SPATA13: variants seen among roughly 807,000 people sequenced by gnomAD.
SPATA13 encodes spermatogenesis-associated protein 13.
Under a neutral mutation model 104.0 loss-of-function variants are expected in SPATA13, and 50 were observed. The observed-to-expected ratio is 0.48, with a 90% CI of 0.38 to 0.61. The LOEUF is 0.61. Among genes scored for constraint, SPATA13 ranks in the 20% least tolerant of loss-of-function variants. The probability of loss-of-function intolerance (pLI) is 0.00; values close to 1 mark genes in which losing one functional copy is unlikely to be tolerated. For missense variants in SPATA13, 1,524 were observed against 1,690.6 expected, an observed-to-expected ratio of 0.90 and a Z score of 1.73; for synonymous variants, 606 against 667.5, an observed-to-expected ratio of 0.91 and a Z score of 1.42.
chr13:23,983,145 A>G (rs1284882254), intron 1 of SPATA13, among the ~76,000 whole-genome samples: 2 of 152,170 alleles, frequency 1.3e-5, no homozygotes, highest in African/African-American at 4.8e-5. Context: ...TGCCATCACA[A>G]AACACCACAG....
chr13:24,179,534 G>A (rs1868658801), intron 1 of SPATA13, among the ~76,000 whole-genome samples: 2 of 152,182 alleles, frequency 1.3e-5, no homozygotes, highest in African/African-American at 4.8e-5. Context: ...TACATTCATT[G>A]TTATGCAACC....
rs1419450290 is a variant in SPATA13, at chr13:24,137,102, T to C, written c.-111-85717T>C. Among the ~76,000 whole-genome samples, 3 of 35,124 alleles carry C rather than the reference T, an allele frequency of 8.5e-5. 1 individual carries two copies. Among genetic ancestry groups the C allele is most frequent in the Non-Finnish European group, 1.9e-4 (3 of 15,652 alleles). The allele number at this position is 35,124 out of a possible 152,430, so 23.0% of individuals were successfully genotyped here. Reference sequence around the variant, plus strand: ...GCCTCGGCCTCCCAAAGTGCTGGGATTACAGGCGTGAGCCACCGCGCCCGG... The same window carrying C: ...GCCTCGGCCTCCCAAAGTGCTGGGACTACAGGCGTGAGCCACCGCGCCCGG... On this transcript the variant is annotated intron_variant, in intron 3 of 14. Coordinates refer to the SPATA13 transcript ENST00000424834.
At chr13:24,071,319 G>A (rs1457028251) in intron 3 of SPATA13, among the ~76,000 whole-genome samples, 1 of 152,188 alleles carries the variant, frequency 6.6e-6, no homozygotes, top group Non-Finnish European at 1.5e-5. Flanking sequence ...GCTAGTTGGA[G>A]CTTAGCCTGC....
At position 24,300,402 on chromosome 13, in the gene SPATA13, A is replaced by T. The variant is rs183788987; in HGVS notation, c.3585A>T (p.Gly1195=). The stretch of plus-strand genomic sequence containing the variant: ...TATCACATTTATTTCTAAATGCAGG[A>T]ATGGAAATTTCAGAAAACCAGAAGA... ...RRRVQEDKEM[G]MEISENQKKL... is the part of the protein sequence containing the mutation. The change falls in exon 12 of 13, where the codon GGA becomes GGT. Residue 1195 remains glycine (G), a splice_region_variant and synonymous_variant. Transcript: ENST00000382108. 43 of 1,612,820 alleles carry T rather than the reference A, an allele frequency of 2.7e-5. No individual in the cohort carries two copies. The East Asian group carries it at 4.7e-4, about 18-fold the overall frequency.
intron 1 of SPATA13, among the ~76,000 whole-genome samples, chr13:24,167,526 A>G (rs1238858163): frequency 2.6e-5 from 4 of 152,242 alleles, no homozygotes; most frequent in Admixed American, 6.5e-5. Flanking sequence ...CAACAGTACA[A>G]GCTTGAATTC....
At position 24,284,241 on chromosome 13, in the gene SPATA13, G is replaced by C; in HGVS notation, c.2271G>C (p.Gln757His). 1 of 1,613,730 alleles carries C rather than the reference G, an allele frequency of 6.2e-7. No individual in the cohort carries two copies. Among genetic ancestry groups the C allele is most frequent in the Middle Eastern group, 1.7e-4 (1 of 5,896 alleles). Reference sequence around the variant, plus strand: ...GCCAGGCCAGCCCTCGGTACCTGCAGCCCGGCGGGGAGCAGCTGGCCATCA... The same window carrying C: ...GCCAGGCCAGCCCTCGGTACCTGCACCCCGGCGGGGAGCAGCTGGCCATCA... ...DLCQASPRYL[Q>H]PGGEQLAINE... The change falls in exon 5 of 13, where the codon CAG (glutamine) becomes CAC (histidine). Residue 757 changes from glutamine (Q) to histidine (H), a missense_variant. By Grantham distance (24) the Gln-to-His change is conservative (BLOSUM62 0). Around this residue, in one of 2 missense-constraint regions of SPATA13, gnomAD observed 1,089 missense variants for 1,135.9 expected, o/e 0.96. Transcript: ENST00000382108.
rs1046381155 is a variant in SPATA13, at chr13:24,167,767, C to G, written c.-112+6835C>G. Among the ~76,000 whole-genome samples the G allele has an allele frequency of 2.0e-5, 3 of 152,160 alleles. No individual in the cohort carries two copies. The South Asian group carries it at 6.2e-4, about 31-fold the overall frequency. ...GGGTCTAAATTTCATTGTTATAAAC[C>G]ATGTATTTCTAAACATTATTGGAAA... On this transcript the variant is annotated intron_variant, in intron 1 of 12. Transcript: ENST00000382108.
intron 3 of SPATA13, among the ~76,000 whole-genome samples, chr13:24,044,732 A>G (rs998217687): frequency 1.3e-5 from 2 of 152,232 alleles, no homozygotes; most frequent in African/African-American, 2.4e-5. Context: ...ATTGTTAACT[A>G]TAGTCATTTG....
chr13:24,300,284 G>T, intron 11 of SPATA13, 117 bp from the exon 12 acceptor site: 2 of 717,384 alleles, frequency 2.8e-6, no homozygotes, highest in Non-Finnish European at 4.6e-6. Flanking sequence ...GAGGATTAAG[G>T]TTCTCTGTCT....
intron 3 of SPATA13, among the ~76,000 whole-genome samples, chr13:24,043,285 C>T (rs760820157): frequency 6.6e-6 from 1 of 151,348 alleles, no homozygotes; most frequent in Non-Finnish European, 1.5e-5. Flanking sequence ...GGGTTGGAGC[C>T]TAGGAGTCCA....
chr13:24,084,060 C>T (rs555016168), intron 3 of SPATA13, among the ~76,000 whole-genome samples: 7 of 152,014 alleles, frequency 4.6e-5, no homozygotes, highest in South Asian at 2.1e-4. Context: ...GTTTAACAAG[C>T]GTTTTTACTC....
At chr13:24,249,309 A>G (rs1188707767) in intron 2 of SPATA13, among the ~76,000 whole-genome samples, 168 bp from the exon 3 acceptor site, 1 of 152,256 alleles carries the variant, frequency 6.6e-6, no homozygotes, top group Admixed American at 6.5e-5. Flanking sequence ...ATTTTGATTA[A>G]GGTTTGGTTG....
At chr13:24,269,378 ATGTATGTATGTG>A (rs984011581) in intron 4 of SPATA13, among the ~76,000 whole-genome samples, 1 of 151,720 alleles carries the variant, frequency 6.6e-6, no homozygotes, top group Non-Finnish European at 1.5e-5. Flanking sequence ...GTATGTGTGT[ATGTATGTATGTG>A]TGTATGTATG....
intron 3 of SPATA13, among the ~76,000 whole-genome samples, chr13:24,080,776 C>T (rs1244702108): frequency 6.6e-6 from 1 of 152,194 alleles, no homozygotes; most frequent in African/African-American, 2.4e-5. Context: ...ACGTCCATCG[C>T]ACATGTTAAT....
At chr13:24,191,276 A>G (rs1480320411) in intron 1 of SPATA13, among the ~76,000 whole-genome samples, 1 of 152,098 alleles carries the variant, frequency 6.6e-6, no homozygotes, top group African/African-American at 2.4e-5. Context: ...TTGCCCAGCC[A>G]TATTTTAAAA....
At chr13:23,982,272 G>A (rs1197047952) in intron 1 of SPATA13, among the ~76,000 whole-genome samples, 1 of 152,174 alleles carries the variant, frequency 6.6e-6, no homozygotes, top group Non-Finnish European at 1.5e-5. Context: ...GGTCCTGCAT[G>A]AAGACTTTGC....
At chr13:24,066,298 C>A (rs1018755405) in intron 3 of SPATA13, among the ~76,000 whole-genome samples, 5 of 152,170 alleles carry the variant, frequency 3.3e-5, no homozygotes, top group African/African-American at 1.2e-4. Flanking sequence ...GAATTTCACA[C>A]ATACCTCATT....
At chr13:24,169,700 C>T (rs1253260539) in intron 1 of SPATA13, among the ~76,000 whole-genome samples, 2 of 152,204 alleles carry the variant, frequency 1.3e-5, no homozygotes, top group Middle Eastern at 3.2e-3. Flanking sequence ...AGTCTCTCTC[C>T]TCTCACTCAA....
chr13:24,003,032 T>C (rs1405905587), intron 2 of SPATA13, among the ~76,000 whole-genome samples: 3 of 152,048 alleles, frequency 2.0e-5, no homozygotes, highest in East Asian at 3.9e-4. Flanking sequence ...AGGCCAGGAG[T>C]GTATGGGCAG....
Sources: gnomAD v4.1 joint callset for allele counts (sites outside exome capture counted in the v4.1 genomes callset) on GRCh38, gnomAD v4.1.1 for gene constraint, gnomAD v4.1.1 regional missense constraint, MANE v1.5 for transcripts, NCBI Gene and HGNC (gene_info 2026-07-23, HGNC 2026-07-21) for gene names.